The following PCDHA1 variants were observed in gnomAD, a reference collection of about 807,000 sequenced individuals.
PCDHA1 encodes protocadherin alpha 1, also known as protocadherin alpha-1.
Under a neutral mutation model 61.3 loss-of-function variants are expected in PCDHA1, and 42 were observed. That is an observed-to-expected ratio of 0.69 (90% CI 0.54 to 0.89). PCDHA1 has a LOEUF of 0.89. PCDHA1 is among the 40% of genes least tolerant of loss of function. The probability of loss-of-function intolerance (pLI) is 0.00; values close to 1 mark genes in which losing one functional copy is unlikely to be tolerated. For missense variants in PCDHA1, 1,256 were observed against 1,235.3 expected (o/e 1.02, Z -0.25); for synonymous variants, 610 against 553.8 (o/e 1.10, Z -1.43).
intron 1 of PCDHA1, among the ~76,000 whole-genome samples, chr5:140,939,846 T>G (rs2092473465): frequency 6.6e-6 from 1 of 152,222 alleles, no homozygotes; most frequent in Non-Finnish European, 1.5e-5. Flanking sequence ...GTTGTTGTGT[T>G]CTGTATATGT....
At chr5:140,872,134 A>C (rs938546166) in intron 1 of PCDHA1, among the ~76,000 whole-genome samples, 1 of 152,112 alleles carries the variant, frequency 6.6e-6, no homozygotes, top group Non-Finnish European at 1.5e-5. Context: ...CAAAGCTAGA[A>C]TACTCCATTA....
chr5:140,797,193 C>T (rs374379905), intron 1 of PCDHA1: 3 of 1,614,160 alleles, frequency 1.9e-6, no homozygotes, highest in Admixed American at 3.3e-5. Flanking sequence ...TGTGCTCCAG[C>T]GCCGTGGGGA....
intron 3 of PCDHA1, among the ~76,000 whole-genome samples, chr5:140,982,798 T>C (rs1310396823): frequency 2.0e-5 from 3 of 151,768 alleles, no homozygotes; most frequent in African/African-American, 7.3e-5. Flanking sequence ...TGTGTGCATG[T>C]GTGTGTGTGT....
intron 1 of PCDHA1, chr5:140,807,073 C>A (rs1763840766): frequency 3.3e-6 from 4 of 1,196,434 alleles, no homozygotes; most frequent in Non-Finnish European, 4.7e-6. Context: ...GAACCATATA[C>A]ACTCTTTGGA....
intron 1 of PCDHA1, among the ~76,000 whole-genome samples, chr5:140,943,845 C>T (rs59104695): frequency 0.056 from 8,479 of 152,194 alleles, 700 homozygotes; most frequent in African/African-American, 0.18. Flanking sequence ...TGTAAGATGT[C>T]ACAGAAGTCA....
chr5:140,877,409 G>C lies in PCDHA1; in HGVS notation c.2394+88725G>C, dbSNP rs782157769. The C allele has an allele frequency of 8.1e-6, 13 of 1,613,802 alleles. No homozygotes were observed. The highest frequency in any genetic ancestry group is 1.0e-5 in the Non-Finnish European group (12 of 1,179,880). Reference sequence around the variant, plus strand: ...GATGAGGCGGACGCTCCGCGCCACCGCCTGCTGGTGCTGGTGAAGGACCAC... The same window carrying C: ...GATGAGGCGGACGCTCCGCGCCACCCCCTGCTGGTGCTGGTGAAGGACCAC... On this transcript the variant is annotated intron_variant, in intron 1 of 3. Transcript: ENST00000504120.
intron 1 of PCDHA1, chr5:140,875,323 A>G: frequency 2.1e-6 from 3 of 1,427,940 alleles, no homozygotes; most frequent in South Asian, 3.2e-5. Flanking sequence ...CCAATCATTC[A>G]CGGAATAGGA....
In PCDHA1 at chr5:140,853,715, G is replaced by T; in HGVS notation, c.2394+65031G>T. ...ACCTGCTAACGCATTAGCATTAGCA[G>T]CACCTAAGTCCTCATTGAATGTTCT... is the stretch of plus-strand genomic sequence containing the variant. On this transcript the variant is annotated intron_variant, in intron 1 of 3. Coordinates refer to ENST00000504120, the MANE Select transcript of PCDHA1 (RefSeq NM_018900.4). 6 of 988,172 alleles carry T rather than the reference G, an allele frequency of 6.1e-6. 1 individual carries two copies. The highest frequency in any genetic ancestry group is 7.3e-6 in the Non-Finnish European group (6 of 820,144). 61.2% of individuals were successfully genotyped at this position (988,172 alleles called of 1,614,324 possible). A position where few individuals can be genotyped will look rare whatever the true frequency, so the allele number is the denominator to read the frequency against.
intron 1 of PCDHA1, among the ~76,000 whole-genome samples, chr5:140,917,338 G>GGTGGGGGGGGGGGGGGGGGGC (rs2078134893): frequency 7.3e-6 from 1 of 137,894 alleles, no homozygotes; most frequent in Non-Finnish European, 1.6e-5. Flanking sequence ...GGAGGGGGGG[G>GGTGGGGGGGGGGGGGGGGGGC]ATGGTGTAGG....
chr5:140,876,273 C>T, intron 1 of PCDHA1: 1 of 1,613,982 alleles, frequency 6.2e-7, no homozygotes, highest in South Asian at 1.1e-5. Context: ...TAAATGCTTC[C>T]GATCCAGACG....
At chr5:140,829,927 G>A in intron 1 of PCDHA1, 3 of 1,614,016 alleles carry the variant, frequency 1.9e-6, no homozygotes, top group Non-Finnish European at 2.5e-6. Context: ...ATGAGCTGCA[G>A]CCCCCGGCAA....
intron 3 of PCDHA1, among the ~76,000 whole-genome samples, chr5:141,001,404 T>A (rs965496882): frequency 1.3e-4 from 20 of 152,072 alleles, no homozygotes; most frequent in African/African-American, 4.8e-4. Context: ...GAACAGGGAG[T>A]ATATTTTTAC....
chr5:140,829,242 A>T lies in PCDHA1; in HGVS notation c.2394+40558A>T, dbSNP rs2150164576. On this transcript the variant is annotated intron_variant, in intron 1 of 3. Coordinates refer to ENST00000504120, the MANE Select transcript of PCDHA1 (RefSeq NM_018900.4). ...GACCTCGATTCAGGTGCCAACGGGC[A>T]GGTGAACTGCTCGCTGACGCCTCAC... is the stretch of plus-strand genomic sequence containing the variant. 1.7e-5 allele frequency: 27 copies of T among 1,614,148 alleles called. No individual in the cohort carries two copies. The highest frequency in any genetic ancestry group is 1.6e-4 in the Middle Eastern group (1 of 6,084).
intron 1 of PCDHA1, chr5:140,823,018 G>T (rs1386534416): frequency 1.2e-6 from 2 of 1,614,118 alleles, no homozygotes; most frequent in Admixed American, 1.7e-5. Context: ...CCTGGACCGC[G>T]AGAGCGTGTC....
chr5:140,912,530 A>C (rs2075961098), intron 1 of PCDHA1, among the ~76,000 whole-genome samples: 2 of 152,178 alleles, frequency 1.3e-5, no homozygotes, highest in East Asian at 1.9e-4. Context: ...TTCAGAGTAC[A>C]TGATCATATT....
Position 140,786,476 on chromosome 5 carries a change from C to T in PCDHA1, c.186C>T (p.Arg62=), listed in dbSNP as rs545622966. ...LGLELAELVP[R]LFRVASKTHR... is the part of the protein sequence containing the mutation. ...TGGAGCTGGCGGAGCTGGTGCCTCG[C>T]CTGTTCCGGGTGGCGTCCAAAACAC... The change falls in exon 1 of 4, where the codon CGC becomes CGT. Residue 62 remains arginine, a synonymous_variant. Transcript: ENST00000504120. The T allele has an allele frequency of 6.2e-7, 1 of 1,613,722 alleles. No individual in the cohort carries two copies. Among genetic ancestry groups the T allele is most frequent in the Non-Finnish European group, 8.5e-7 (1 of 1,180,040 alleles).
chr5:140,958,810 G>C (rs2095443726), intron 1 of PCDHA1, among the ~76,000 whole-genome samples: 1 of 151,988 alleles, frequency 6.6e-6, no homozygotes, highest in African/African-American at 2.4e-5. Flanking sequence ...ACACCATTCT[G>C]TTTTAATTTT....
chr5:140,817,462 T>C (rs1766142664), intron 1 of PCDHA1: 1 of 152,254 alleles, frequency 6.6e-6, no homozygotes, highest in Non-Finnish European at 1.5e-5. Context: ...ATCTTGCTGA[T>C]GTCACTACCT....
intron 1 of PCDHA1, among the ~76,000 whole-genome samples, chr5:140,958,973 ATTAG>A (rs2095457294): frequency 1.3e-5 from 2 of 152,038 alleles, no homozygotes; most frequent in African/African-American, 2.4e-5. Flanking sequence ...CTATTTTATT[ATTAG>A]TTATTGTTGC....
Sources: gnomAD v4.1 joint callset for allele counts (sites outside exome capture counted in the v4.1 genomes callset) on GRCh38, gnomAD v4.1.1 for gene constraint, MANE v1.5 for transcripts, NCBI Gene and HGNC (gene_info 2026-07-23, HGNC 2026-07-21) for gene names.